The following ANKRD62 variants were observed in gnomAD, a reference collection of about 807,000 sequenced individuals.
ANKRD62 encodes the protein ankyrin repeat domain-containing protein 62.
ANKRD62 carries 61 observed loss-of-function variants against 98.8 expected under a neutral mutation model. The observed-to-expected ratio is 0.62, with a 90% CI of 0.50 to 0.76. ANKRD62 has a LOEUF of 0.76. Among genes scored for constraint, ANKRD62 ranks in the 30% least tolerant of loss-of-function variants. The pLI is 0.00. For missense variants in ANKRD62, 933 were observed against 1,082.9 expected, an observed-to-expected ratio of 0.86 and a Z score of 1.94; for synonymous variants, 341 against 367.9, an observed-to-expected ratio of 0.93 and a Z score of 0.84.
intron 8 of ANKRD62, among the ~76,000 whole-genome samples, chr18:12,110,568 A>T (rs1909517520): frequency 6.6e-6 from 1 of 152,214 alleles, no homozygotes; most frequent in African/African-American, 2.4e-5. Flanking sequence ...CGATAATGCC[A>T]CTTAGGTATG....
rs1299588278 is a variant in ANKRD62 at position 12,127,861 on chromosome 18, A to G, written c.2676A>G (p.Ala892=). 2.0e-6 allele frequency: 3 copies of G among 1,525,458 alleles called. No homozygotes were observed. The highest frequency in any genetic ancestry group is 2.6e-6 in the Non-Finnish European group (3 of 1,142,748). The allele number at this position is 1,525,458 out of a possible 1,614,324, so 94.5% of individuals were successfully genotyped here. A position where few individuals can be genotyped will look rare whatever the true frequency, so the allele number is the denominator to read the frequency against. The change falls in exon 14 of 14, where the codon GCA becomes GCG. Residue 892 remains alanine, a synonymous_variant. Coordinates refer to ENST00000587848, the MANE Select transcript of ANKRD62 (RefSeq NM_001277333.2). ...GTCGTATTAATTTAGAAGATGAGGC[A>G]CAAAGTTTAAAAAAGAAATTAGGCC... ...SERRINLEDE[A]QSLKKKLGQM...
the ANKRD62 span, among the ~76,000 whole-genome samples, chr18:12,155,491 A>T: frequency 3.9e-5 from 6 of 152,280 alleles, no homozygotes; most frequent in Non-Finnish European, 8.8e-5. Context: ...CTAGACTGCC[A>T]TGGAGCACAC....
chr18:12,133,823 A>G (rs1910040982), downstream of ANKRD62, among the ~76,000 whole-genome samples: 6 of 151,732 alleles, frequency 4.0e-5, no homozygotes, highest in Admixed American at 3.9e-4. Context: ...TGTATTCTTT[A>G]TTGTTTCTGT....
chr18:12,129,509 A>T lies in ANKRD62; in HGVS notation c.*1570A>T, dbSNP rs1413910450. On this transcript the variant is annotated 3_prime_UTR_variant, in exon 14 of 14. Coordinates refer to ENST00000587848, the MANE Select transcript of ANKRD62 (RefSeq NM_001277333.2). ...ACGCCTGTAATCCCAACACTTTGGG[A>T]GGCCGAGATGGGCGGATCATGAGGT... 1 of 152,294 alleles carries T rather than the reference A, an allele frequency of 6.6e-6. No individual in the cohort carries two copies. The highest frequency in any genetic ancestry group is 1.9e-4 in the East Asian group (1 of 5,188). 9.4% of individuals were successfully genotyped at this position (152,294 alleles called of 1,614,324 possible). A position where few individuals can be genotyped will look rare whatever the true frequency, so the allele number is the denominator to read the frequency against.
At chr18:12,159,411 T>C in the ANKRD62 span, among the ~76,000 whole-genome samples, 23 of 152,346 alleles carry the variant, frequency 1.5e-4, no homozygotes, top group South Asian at 1.7e-3. Context: ...CAAATTGACA[T>C]GCATTAGACA....
chr18:12,156,218 G>A, the ANKRD62 span, among the ~76,000 whole-genome samples: 5 of 152,068 alleles, frequency 3.3e-5, no homozygotes, highest in South Asian at 4.2e-4. Context: ...CCACGCCTCC[G>A]GTGCAGTTTG....
chr18:12,140,773 C>T, the ANKRD62 span, among the ~76,000 whole-genome samples: 1 of 152,192 alleles, frequency 6.6e-6, no homozygotes, highest in Non-Finnish European at 1.5e-5. Context: ...GGGTGCCTCC[C>T]AGTTAGGCTA....
Position 12,128,953 on chromosome 18 carries a change from C to G in ANKRD62, c.*1014C>G, listed in dbSNP as rs1909949545. On this transcript the variant is annotated 3_prime_UTR_variant, in exon 14 of 14. Coordinates refer to ENST00000587848, the MANE Select transcript of ANKRD62 (RefSeq NM_001277333.2). ...TGGTGGTGCACGCCTGTAGTCCCAG[C>G]TCCTCGGGACGCTGAGGCAGGAGAA... 1 of 152,050 alleles carries G rather than the reference C, an allele frequency of 6.6e-6. No individual in the cohort carries two copies. Among genetic ancestry groups the G allele is most frequent in the African/African-American group, 2.4e-5 (1 of 41,352 alleles). 9.4% of individuals were successfully genotyped at this position (152,050 alleles called of 1,614,324 possible).
intron 13 of ANKRD62, 97 bp downstream of exon 13, chr18:12,126,480 A>G (rs1291488476): frequency 4.6e-6 from 5 of 1,080,666 alleles, no homozygotes; most frequent in Non-Finnish European, 5.2e-6. Context: ...TTGAATATCA[A>G]AATATATACA....
chr18:12,095,189 G>C lies in ANKRD62; in HGVS notation c.237G>C (p.Ala79=). 6.5e-7 allele frequency: 1 copy of C among 1,536,560 alleles called. No individual in the cohort carries two copies. Among genetic ancestry groups the C allele is most frequent in the South Asian group, 1.2e-5 (1 of 84,066 alleles). ...DKKNRTALLL[A]CAHGRPGVVA... is the part of the protein sequence containing the mutation. Reference sequence around the variant, plus strand: ...CTCACAGGACTGCTCTACTTTTGGCGTGTGCCCATGGCCGTCCAGGAGTGG... The same window carrying C: ...CTCACAGGACTGCTCTACTTTTGGCCTGTGCCCATGGCCGTCCAGGAGTGG... Residue 79 remains alanine (A), a synonymous_variant, in exon 2 of 14, where the codon GCG becomes GCC. Transcript: ENST00000587848.
chr18:12,105,082 G>A (rs1909384479), intron 7 of ANKRD62, among the ~76,000 whole-genome samples: 1 of 152,124 alleles, frequency 6.6e-6, no homozygotes, highest in Non-Finnish European at 1.5e-5. Flanking sequence ...TTGCAAATTG[G>A]ACATCAGAAA....
the ANKRD62 span, among the ~76,000 whole-genome samples, chr18:12,151,887 A>T: frequency 1.1e-4 from 16 of 152,252 alleles, no homozygotes; most frequent in African/African-American, 3.6e-4. Flanking sequence ...CAATGTGACC[A>T]CTGATCCCAC....
chr18:12,138,797 A>G, the ANKRD62 span, among the ~76,000 whole-genome samples: 1 of 152,112 alleles, frequency 6.6e-6, no homozygotes, highest in Non-Finnish European at 1.5e-5. Context: ...CCATTATGTA[A>G]TGGCCATCTT....
chr18:12,124,344 T>C (rs1909845751), intron 12 of ANKRD62, 24 bp downstream of exon 12: 1 of 796,684 alleles, frequency 1.3e-6, no homozygotes, highest in Non-Finnish European at 1.8e-6. Flanking sequence ...TGGTAAAATT[T>C]TACATTTCTA....
chr18:12,170,109 T>C, the ANKRD62 span, among the ~76,000 whole-genome samples: 12 of 152,302 alleles, frequency 7.9e-5, no homozygotes, highest in African/African-American at 2.9e-4. Flanking sequence ...TTTTGAAGGG[T>C]TTTTTGTATC....
At chr18:12,124,427 T>C in intron 12 of ANKRD62, 107 bp downstream of exon 12, 1 of 417,696 alleles carries the variant, frequency 2.4e-6, no homozygotes, top group Non-Finnish European at 4.2e-6. Context: ...TTTTATTTCA[T>C]CTTAAAAATA....
chr18:12,172,980 A>G, the ANKRD62 span, among the ~76,000 whole-genome samples: 1 of 152,340 alleles, frequency 6.6e-6, no homozygotes, highest in South Asian at 2.1e-4. Flanking sequence ...GGGTGGGAGT[A>G]TCCCAGTTTT....
chr18:12,178,257 C>T, the ANKRD62 span, among the ~76,000 whole-genome samples: 1 of 150,320 alleles, frequency 6.7e-6, no homozygotes, highest in African/African-American at 2.5e-5. Flanking sequence ...AGGCAGATAG[C>T]ATATTGAGGG....
intron 13 of ANKRD62, among the ~76,000 whole-genome samples, 156 bp from the exon 14 acceptor site, chr18:12,127,592 T>A (rs1455314702): frequency 6.6e-6 from 1 of 152,186 alleles, no homozygotes; most frequent in Non-Finnish European, 1.5e-5. Flanking sequence ...CTTAACTGGA[T>A]TCAGTAATAA....
Sources: allele counts gnomAD v4.1 joint callset (sites outside exome capture counted in the v4.1 genomes callset), GRCh38; gene constraint gnomAD v4.1.1; transcripts MANE v1.5; gene names NCBI Gene and HGNC (gene_info 2026-07-23, HGNC 2026-07-21).